Variants in PRKG1 observed in about 807,000 individuals in gnomAD.
The protein encoded by PRKG1 is cGMP-dependent protein kinase 1.
In PRKG1, 35 loss-of-function variants were observed where a neutral mutation model predicts 88.1. The ratio of observed to expected loss-of-function variants is 0.40; its 90% confidence interval spans 0.30 to 0.53. PRKG1 has a LOEUF of 0.53. Among genes scored for constraint, PRKG1 ranks in the 20% least tolerant of loss-of-function variants. PRKG1 has a pLI of 0.59. For synonymous variants in PRKG1, 303 were observed against 292.5 expected, an observed-to-expected ratio of 1.04 and a Z score of -0.37; for missense variants, 540 against 839.8, an observed-to-expected ratio of 0.64 and a Z score of 4.41.
At chr10:52,026,410 A>G (rs968697575) in intron 5 of PRKG1, among the ~76,000 whole-genome samples, 2 of 152,196 alleles carry the variant, frequency 1.3e-5, no homozygotes, top group Non-Finnish European at 2.9e-5. Flanking sequence ...TACAGTGTGA[A>G]TGAACTTTGA....
chr10:51,346,430 C>T (rs1842115865), intron 2 of PRKG1, among the ~76,000 whole-genome samples: 1 of 152,074 alleles, frequency 6.6e-6, no homozygotes, highest in Admixed American at 6.5e-5. Flanking sequence ...TAAAATACTG[C>T]CACTTCTGCA....
At chr10:51,879,436 T>C (rs1180798371) in intron 4 of PRKG1, among the ~76,000 whole-genome samples, 1 of 152,182 alleles carries the variant, frequency 6.6e-6, no homozygotes, top group Non-Finnish European at 1.5e-5. Flanking sequence ...ATGATTCATG[T>C]CCATCTGTGA....
chr10:51,042,723 G>A (rs1057203756), intron 1 of PRKG1, among the ~76,000 whole-genome samples: 1 of 152,192 alleles, frequency 6.6e-6, no homozygotes, highest in Non-Finnish European at 1.5e-5. Context: ...GCTCTGCAGA[G>A]TGCTGGAATA....
At chr10:51,519,285 T>C (rs4590815) in intron 3 of PRKG1, among the ~76,000 whole-genome samples, 7,502 of 152,234 alleles carry the variant, frequency 0.049, 302 homozygotes, top group Middle Eastern at 0.12. Flanking sequence ...TTTAACCTTT[T>C]CAACAACCTA....
chr10:51,807,600 G>C (rs1238063617), intron 4 of PRKG1, among the ~76,000 whole-genome samples: 1 of 152,136 alleles, frequency 6.6e-6, no homozygotes, highest in Non-Finnish European at 1.5e-5. Context: ...AAAAGAGAGT[G>C]CTCTAATGAT....
At chr10:51,212,859 T>C (rs1838261718) in intron 2 of PRKG1, among the ~76,000 whole-genome samples, 2 of 152,090 alleles carry the variant, frequency 1.3e-5, no homozygotes, top group Non-Finnish European at 2.9e-5. Flanking sequence ...ACACTTTTAC[T>C]GTTGGTGGGA....
chr10:51,749,129 A>G (rs1837653964), intron 3 of PRKG1, among the ~76,000 whole-genome samples: 1 of 152,250 alleles, frequency 6.6e-6, no homozygotes, highest in Non-Finnish European at 1.5e-5. Flanking sequence ...TGTGAAACAT[A>G]CATACACTAC....
rs143747579 is a variant in PRKG1 at position 51,123,230 on chromosome 10, C to A, written c.312-29934C>A. Among the ~76,000 whole-genome samples, 225 of 152,244 alleles carry A rather than the reference C, an allele frequency of 1.5e-3. 1 individual carries two copies. The highest frequency in any genetic ancestry group is 5.2e-3 in the African/African-American group (216 of 41,534). Reference sequence around the variant, plus strand: ...TGAAGTCAGATGATTGCATAAAAATCCTAACATTTTACAACAGTCTTAATT... The same window carrying A: ...TGAAGTCAGATGATTGCATAAAAATACTAACATTTTACAACAGTCTTAATT... On this transcript the variant is annotated intron_variant, in intron 1 of 17. Coordinates refer to ENST00000373980, the MANE Select transcript of PRKG1 (RefSeq NM_006258.4).
intron 9 of PRKG1, among the ~76,000 whole-genome samples, chr10:52,166,799 A>ATATATGTATATATATGTATATATATATT (rs530936087): frequency 1.4e-5 from 1 of 70,798 alleles, no homozygotes; most frequent in African/African-American, 1.1e-4. Flanking sequence ...ATATATATAC[A>ATATATGTATATATATGTATATATATATT]TATATATATG....
chr10:52,180,847 G>A (rs1839005169), intron 9 of PRKG1, among the ~76,000 whole-genome samples: 1 of 152,166 alleles, frequency 6.6e-6, no homozygotes, highest in African/African-American at 2.4e-5. Flanking sequence ...GGGCATGGGT[G>A]CACAATTTCC....
rs556951884 is a variant in PRKG1 at position 51,611,659 on chromosome 10, T to TC, written c.592+143823_592+143824insC. 2.1e-3 allele frequency among the ~76,000 whole-genome samples: 312 copies of TC among 152,116 alleles called. 1 individual carries two copies. The highest frequency in any genetic ancestry group is 7.3e-3 in the African/African-American group (302 of 41,550). ...TATAGTCCCATTTGTCTATTTTTTT[T>TC]TTTTTTGCAGCCTGTGCTTTTGAGG... On this transcript the variant is annotated intron_variant, in intron 3 of 17. Coordinates refer to ENST00000373980, the MANE Select transcript of PRKG1 (RefSeq NM_006258.4).
chr10:51,723,023 A>G (rs1208917460), intron 3 of PRKG1, among the ~76,000 whole-genome samples: 1 of 152,224 alleles, frequency 6.6e-6, no homozygotes, highest in Non-Finnish European at 1.5e-5. Flanking sequence ...GTATGATAAC[A>G]TCAGGTTTTG....
At chr10:52,249,061 CCCTTCCCTCCCCTTCCCTCT>C (rs1841103232) in intron 9 of PRKG1, among the ~76,000 whole-genome samples, 2 of 109,638 alleles carry the variant, frequency 1.8e-5, no homozygotes, top group Admixed American at 1.9e-4. Context: ...CCCTTCCCTC[CCCTTCCCTCCCCTTCCCTCT>C]CCTTCCCTTC....
chr10:51,070,122 C>G (rs542228645), upstream of PRKG1, among the ~76,000 whole-genome samples: 51 of 152,198 alleles, frequency 3.4e-4, no homozygotes, highest in African/African-American at 1.1e-3. Flanking sequence ...ATAAGTTCTG[C>G]AGAAAGTAAT....
chr10:51,282,418 G>A (rs1032050983), intron 2 of PRKG1, among the ~76,000 whole-genome samples: 1 of 152,132 alleles, frequency 6.6e-6, no homozygotes, highest in African/African-American at 2.4e-5. Context: ...TGAAGTCTCA[G>A]GAGTAAGCAA....
chr10:52,056,073 A>T (rs1461694403), intron 6 of PRKG1, among the ~76,000 whole-genome samples: 2 of 152,208 alleles, frequency 1.3e-5, no homozygotes, highest in Non-Finnish European at 2.9e-5. Context: ...ATAGAAGTAG[A>T]ACTCAAGGCT....
intron 3 of PRKG1, among the ~76,000 whole-genome samples, chr10:51,671,592 T>TCTC (rs1564600015): frequency 6.9e-6 from 1 of 144,332 alleles, no homozygotes; most frequent in African/African-American, 2.6e-5. Context: ...CTCTCTCTCT[T>TCTC]TTTTTTTTTT....
chr10:52,143,286 A>T (rs917902374), intron 8 of PRKG1, among the ~76,000 whole-genome samples: 1 of 152,106 alleles, frequency 6.6e-6, no homozygotes, highest in African/African-American at 2.4e-5. Context: ...TCCCTGAAGC[A>T]CACCACTATT....
chr10:51,415,910 A>T (rs945580903), intron 2 of PRKG1, among the ~76,000 whole-genome samples: 1 of 147,128 alleles, frequency 6.8e-6, no homozygotes, highest in African/African-American at 2.5e-5. Flanking sequence ...TAGAGCTTCC[A>T]GTGTGTGTGT....
Sources: allele counts gnomAD v4.1 joint callset (sites outside exome capture counted in the v4.1 genomes callset), GRCh38; gene constraint gnomAD v4.1.1; transcripts MANE v1.5; gene names NCBI Gene and HGNC (gene_info 2026-07-23, HGNC 2026-07-21).